RNF217: variants seen among roughly 807,000 people sequenced by gnomAD.
The protein encoded by RNF217 is ring finger protein 217, also known as E3 ubiquitin-protein ligase RNF217.
RNF217 carries 31 observed loss-of-function variants against 57.8 expected under a neutral mutation model. The ratio of observed to expected loss-of-function variants is 0.54; its 90% CI spans 0.40 to 0.72. The LOEUF (loss-of-function observed/expected upper bound fraction) is 0.72, where lower values mean the gene tolerates loss of function less well. Among genes scored for constraint, RNF217 ranks in the 30% least tolerant of loss-of-function variants. The pLI is 0.00. For missense variants in RNF217, 696 were observed against 708.3 expected, an observed-to-expected ratio of 0.98 and a Z score of 0.20; for synonymous variants, 313 against 294.0, an observed-to-expected ratio of 1.06 and a Z score of -0.66.
Position 125,048,095 on chromosome 6 carries a change from G to GT in RNF217, c.1116+2654dup, listed in dbSNP as rs879225404. ...ACATTTTTCATCATTAAACTCTGTG[G>GT]TTTATGTTAACATTAACTACCTGGT... On this transcript the variant is annotated intron_variant, in intron 2 of 5. Transcript: ENST00000521654. 1.9e-4 allele frequency: 146 copies of GT among 766,680 alleles called. 1 individual carries two copies. The South Asian group carries it at 2.2e-3, about 12-fold the overall frequency. 47.5% of individuals were successfully genotyped at this position (766,680 alleles called of 1,614,324 possible). A position where few individuals can be genotyped will look rare whatever the true frequency, so the allele number is the denominator to read the frequency against.
chr6:125,007,231 CT>C, intron 1 of RNF217, among the ~76,000 whole-genome samples: 1 of 141,360 alleles, frequency 7.1e-6, no homozygotes, highest in East Asian at 2.2e-4. Flanking sequence ...TTCTATTCTT[CT>C]TTTTTTCACT....
At chr6:125,082,810 G>T in intron 5 of RNF217, 54 bp from the exon 6 acceptor site, 1 of 1,356,624 alleles carries the variant, frequency 7.4e-7, no homozygotes. Context: ...TTTTAAAATA[G>T]GAAAACCTAA....
intron 1 of RNF217, among the ~76,000 whole-genome samples, chr6:125,024,941 G>A (rs1184270099): frequency 2.6e-5 from 4 of 152,042 alleles, no homozygotes; most frequent in East Asian, 1.9e-4. Flanking sequence ...GAGTGGAAGA[G>A]TAACTAACCC....
intron 1 of RNF217, among the ~76,000 whole-genome samples, chr6:125,015,408 C>A (rs918827048): frequency 1.3e-5 from 2 of 152,006 alleles, no homozygotes; most frequent in Admixed American, 1.3e-4. Flanking sequence ...CAAACAAATA[C>A]ACTAGGATAT....
chr6:125,066,552 C>T (rs1787945005), intron 3 of RNF217, among the ~76,000 whole-genome samples: 1 of 152,160 alleles, frequency 6.6e-6, no homozygotes, highest in South Asian at 2.1e-4. Context: ...TCACTTCTTA[C>T]ATGTTTTTGA....
chr6:124,987,256 T>G (rs1784396907), intron 1 of RNF217, among the ~76,000 whole-genome samples: 1 of 152,210 alleles, frequency 6.6e-6, no homozygotes, highest in Non-Finnish European at 1.5e-5. Context: ...GTTCACATAT[T>G]TAAAGTGTAT....
At chr6:125,058,441 G>C (rs528917549) in intron 3 of RNF217, among the ~76,000 whole-genome samples, 25 of 152,196 alleles carry the variant, frequency 1.6e-4, no homozygotes, top group African/African-American at 5.1e-4. Flanking sequence ...GTTCTAGTCT[G>C]CCACGTGTAC....
chr6:124,966,125 G>A (rs1228079469), intron 1 of RNF217, among the ~76,000 whole-genome samples: 2 of 152,112 alleles, frequency 1.3e-5, no homozygotes, highest in African/African-American at 4.8e-5. Flanking sequence ...TGCTAAGTTG[G>A]TTATTAAACT....
At chr6:125,002,069 G>A (rs1785011392) in intron 1 of RNF217, among the ~76,000 whole-genome samples, 2 of 152,148 alleles carry the variant, frequency 1.3e-5, no homozygotes, top group African/African-American at 4.8e-5. Flanking sequence ...CTAATGGATG[G>A]TATGCATTGA....
intron 1 of RNF217, chr6:124,971,423 ATGATT>A: frequency 7.3e-6 from 2 of 273,532 alleles, no homozygotes; most frequent in South Asian, 3.1e-5. Context: ...TAGGAAAGCT[ATGATT>A]TGATTTGATT....
chr6:125,048,154 A>G, intron 2 of RNF217: 2 of 1,315,950 alleles, frequency 1.5e-6, no homozygotes, highest in Non-Finnish European at 2.0e-6. Flanking sequence ...TATTATAGGT[A>G]AGGAGAGCAC....
rs1218322808 is a variant in RNF217 at position 125,076,784 on chromosome 6, G to A, written c.1409G>A (p.Ser470Asn). 1.2e-6 allele frequency: 2 copies of A among 1,613,442 alleles called. No homozygotes were observed. Among genetic ancestry groups the A allele is most frequent in the Non-Finnish European group, 1.7e-6 (2 of 1,179,688 alleles). Reference sequence around the variant, plus strand: ...TTTGGAGACCACACATCAAACCTCAGTATATTTGGATGCAAATATCGCTAC... The same window carrying A: ...TTTGGAGACCACACATCAAACCTCAATATATTTGGATGCAAATATCGCTAC... The part of the protein sequence containing the change: ...RFFGDHTSNL[S>N]IFGCKYRYLP... Residue 470 changes from serine to asparagine, a missense_variant, in exon 4 of 6, where the codon AGT becomes AAT. By Grantham distance (46) the Ser-to-Asn change is conservative. Coordinates refer to ENST00000521654, the MANE Select transcript of RNF217 (RefSeq NM_001286398.3).
intron 3 of RNF217, among the ~76,000 whole-genome samples, chr6:125,065,215 C>T (rs1787892738): frequency 6.7e-6 from 1 of 148,622 alleles, no homozygotes; most frequent in Non-Finnish European, 1.5e-5. Context: ...GGCTTGAACC[C>T]AGGAGGCAGA....
At chr6:125,075,136 T>C (rs1266858620) in intron 3 of RNF217, among the ~76,000 whole-genome samples, 1 of 152,162 alleles carries the variant, frequency 6.6e-6, no homozygotes, top group Non-Finnish European at 1.5e-5. Context: ...CTTAAAACAT[T>C]ATGAGATGGT....
intron 1 of RNF217, among the ~76,000 whole-genome samples, chr6:125,029,438 AATT>A (rs1189024847): frequency 3.3e-5 from 5 of 152,202 alleles, no homozygotes; most frequent in Admixed American, 2.0e-4. Flanking sequence ...GGAAGGAGGA[AATT>A]ATTTCTTTCT....
intron 1 of RNF217, among the ~76,000 whole-genome samples, chr6:125,012,033 A>G (rs1233949641): frequency 1.3e-5 from 2 of 152,040 alleles, no homozygotes; most frequent in Admixed American, 6.6e-5. Flanking sequence ...ACAAATATAT[A>G]CTGAATCTAA....
intron 1 of RNF217, among the ~76,000 whole-genome samples, chr6:125,036,102 G>A (rs1786604696): frequency 6.6e-6 from 1 of 151,838 alleles, no homozygotes. Context: ...ACAGGCCTCG[G>A]TGTGTGATGT....
chr6:125,060,579 G>A (rs1787690703), intron 3 of RNF217, among the ~76,000 whole-genome samples: 1 of 152,014 alleles, frequency 6.6e-6, no homozygotes, highest in African/African-American at 2.4e-5. Flanking sequence ...CAAGTAGCTG[G>A]GATTACAGGC....
At position 125,092,123 on chromosome 6, in the gene RNF217, G is replaced by C. The variant is rs1440042510; in HGVS notation, c.*9186G>C. ...CCAACAGGTAGGTCCTGCTGGACAG[G>C]ACCTGAAAATTAAGAGATTTTTTTT... On this transcript the variant is annotated 3_prime_UTR_variant, in exon 6 of 6. Coordinates refer to ENST00000521654, the MANE Select transcript of RNF217 (RefSeq NM_001286398.3). 1 of 151,924 alleles carries C rather than the reference G, an allele frequency of 6.6e-6. No individual in the cohort carries two copies. Among genetic ancestry groups the C allele is most frequent in the Non-Finnish European group, 1.5e-5 (1 of 67,970 alleles). 9.4% of individuals were successfully genotyped at this position (151,924 alleles called of 1,614,324 possible). A position where few individuals can be genotyped will look rare whatever the true frequency, so the allele number is the denominator to read the frequency against.
Sources: allele counts gnomAD v4.1 joint callset (sites outside exome capture counted in the v4.1 genomes callset), GRCh38; gene constraint gnomAD v4.1.1; transcripts MANE v1.5; gene names NCBI Gene and HGNC (gene_info 2026-07-23, HGNC 2026-07-21).